HIVEP2: variants seen among roughly 807,000 people sequenced by gnomAD.
The protein encoded by HIVEP2 is HIVEP zinc finger 2.
In HIVEP2, 14 loss-of-function variants were observed where a neutral mutation model predicts 180.7. The observed-to-expected ratio is 0.08, with a 90% CI of 0.05 to 0.12. The LOEUF is 0.12. Among genes scored for constraint, HIVEP2 ranks in the 10% least tolerant of loss-of-function variants. HIVEP2 has a pLI of 1.00. For missense variants in HIVEP2, 2,579 were observed against 3,008.5 expected, an observed-to-expected ratio of 0.86 and a Z score of 3.34; for synonymous variants, 1,184 against 1,136.4, an observed-to-expected ratio of 1.04 and a Z score of -0.84.
At chr6:142,927,515 C>G (rs534563801) in intron 1 of HIVEP2, among the ~76,000 whole-genome samples, 136 of 152,224 alleles carry the variant, frequency 8.9e-4, no homozygotes, top group African/African-American at 3.2e-3. Context: ...AAGAAGGCCC[C>G]CTGAGACGTT....
At position 142,773,639 on chromosome 6, in the gene HIVEP2, T is replaced by C; in HGVS notation, c.1100A>G (p.Gln367Arg). Residue 367 changes from glutamine (Q) to arginine (R), a missense_variant, in exon 5 of 10, where the codon CAG becomes CGG. This residue lies in a region of HIVEP2 where 47 missense variants were observed against 92.5 expected (regional missense o/e 0.51). Transcript: ENST00000367603. ...TKADDSHTVK[Q>R]KLALRLSEKK... ...CTCTGACAGTCTTAGTGCAAGTTTC[T>C]GTTTGACTGTGTGCGAATCATCAGC... 2 of 1,614,204 alleles carry C rather than the reference T, an allele frequency of 1.2e-6. No homozygotes were observed. The highest frequency in any genetic ancestry group is 1.7e-6 in the Non-Finnish European group (2 of 1,180,032).
intron 7 of HIVEP2, among the ~76,000 whole-genome samples, 161 bp downstream of exon 7, chr6:142,764,638 T>A (rs1001478188): frequency 3.9e-5 from 6 of 152,212 alleles, no homozygotes; most frequent in Non-Finnish European, 8.8e-5. Flanking sequence ...CTCACATACA[T>A]CCTTTGATCA....
chr6:142,757,444 AG>A (rs1210338909), intron 9 of HIVEP2, among the ~76,000 whole-genome samples: 1 of 152,186 alleles, frequency 6.6e-6, no homozygotes, highest in Non-Finnish European at 1.5e-5. Flanking sequence ...GCGGATCATG[AG>A]GTCAAGAAAT....
chr6:142,775,064 G>A lies in HIVEP2; in HGVS notation c.-326C>T, dbSNP rs1775662695. 2 of 1,051,132 alleles carry A rather than the reference G, an allele frequency of 1.9e-6. No individual in the cohort carries two copies. The highest frequency in any genetic ancestry group is 2.3e-6 in the Non-Finnish European group (2 of 872,350). The allele number at this position is 1,051,132 out of a possible 1,614,324, so 65.1% of individuals were successfully genotyped here. A position where few individuals can be genotyped will look rare whatever the true frequency, so the allele number is the denominator to read the frequency against. ...GAAATTGGGATGATGAATAGTCTAGGAGAAATTTTGCCCATCAACTAGAGC... is the reference window on the plus strand; with the variant it reads ...GAAATTGGGATGATGAATAGTCTAGAAGAAATTTTGCCCATCAACTAGAGC... On this transcript the variant is annotated 5_prime_UTR_variant, in exon 5 of 10. Coordinates refer to ENST00000367603, the MANE Select transcript of HIVEP2 (RefSeq NM_006734.4).
At chr6:142,873,151 C>T (rs198676) in intron 1 of HIVEP2, among the ~76,000 whole-genome samples, 96,444 of 152,066 alleles carry the variant, frequency 0.63, 31,046 homozygotes, top group African/African-American at 0.68. Flanking sequence ...ATAGAACAGA[C>T]TCACCTGCCT....
intron 2 of HIVEP2, among the ~76,000 whole-genome samples, chr6:142,834,873 C>G (rs2114874155): frequency 6.6e-6 from 1 of 152,072 alleles, no homozygotes; most frequent in South Asian, 2.1e-4. Flanking sequence ...TGCACAGGGC[C>G]AGGTTCACTG....
At chr6:142,844,051 C>T (rs951194581) in intron 1 of HIVEP2, among the ~76,000 whole-genome samples, 1 of 152,144 alleles carries the variant, frequency 6.6e-6, no homozygotes, top group Non-Finnish European at 1.5e-5. Context: ...CCACACAACA[C>T]CCTCAACTCC....
chr6:142,829,335 T>A (rs918479157), intron 2 of HIVEP2, among the ~76,000 whole-genome samples: 15 of 152,068 alleles, frequency 9.9e-5, no homozygotes, highest in Non-Finnish European at 4.4e-5. Flanking sequence ...ACTTTATCCA[T>A]CCCAACACTT....
chr6:142,759,100 G>A (rs1469814209), intron 9 of HIVEP2, among the ~76,000 whole-genome samples: 2 of 151,926 alleles, frequency 1.3e-5, no homozygotes, highest in African/African-American at 2.4e-5. Context: ...TCAGGAGTTC[G>A]AGACCAGCCT....
chr6:142,819,852 C>G (rs895513170), intron 2 of HIVEP2, among the ~76,000 whole-genome samples: 1 of 152,186 alleles, frequency 6.6e-6, no homozygotes, highest in Non-Finnish European at 1.5e-5. Context: ...CACTTTCTGG[C>G]TCCCAAAGCT....
At chr6:142,889,115 G>A (rs2064057584) in intron 1 of HIVEP2, among the ~76,000 whole-genome samples, 1 of 152,200 alleles carries the variant, frequency 6.6e-6, no homozygotes, top group Non-Finnish European at 1.5e-5. Context: ...GCTCTCAGCA[G>A]AGTACCTGGC....
intron 1 of HIVEP2, among the ~76,000 whole-genome samples, chr6:142,911,511 T>C (rs2128429961): frequency 6.6e-6 from 1 of 152,338 alleles, no homozygotes; most frequent in South Asian, 2.1e-4. Flanking sequence ...ATATTATCTT[T>C]TGAGGCAGAC....
At chr6:142,784,994 T>A (rs568810504) in intron 2 of HIVEP2, among the ~76,000 whole-genome samples, 26 of 151,996 alleles carry the variant, frequency 1.7e-4, no homozygotes, top group African/African-American at 6.3e-4. Flanking sequence ...TTCACGCCAT[T>A]CTCCTGCCTC....
chr6:142,762,507 A>G (rs1775275255), intron 7 of HIVEP2, among the ~76,000 whole-genome samples: 1 of 150,944 alleles, frequency 6.6e-6, no homozygotes, highest in Non-Finnish European at 1.5e-5. Flanking sequence ...CATATAAATT[A>G]TATGCCATAT....
Position 142,771,202 on chromosome 6 carries a change from T to C in HIVEP2, c.3537A>G (p.Thr1179=), listed in dbSNP as rs1775531043. ...NPLIQPTSYM[T]SKHLPEQPHL... ...GTGGCTGTTCAGGTAAGTGCTTGCT[T>C]GTCATATAGGATGTTGGTTGGATCA... is the stretch of plus-strand genomic sequence containing the variant. The change falls in exon 5 of 10, where the codon ACA becomes ACG. Residue 1179 remains threonine, a synonymous_variant. Coordinates refer to ENST00000367603, the MANE Select transcript of HIVEP2 (RefSeq NM_006734.4). The surrounding 1 kb of genome is among the most constrained non-coding windows in gnomAD (Gnocchi z 5.4). 1.2e-6 allele frequency: 2 copies of C among 1,614,220 alleles called. No individual in the cohort carries two copies. The highest frequency in any genetic ancestry group is 4.5e-5 in the East Asian group (2 of 44,884).
At chr6:142,924,089 G>T (rs1189306453) in intron 1 of HIVEP2, among the ~76,000 whole-genome samples, 1 of 152,220 alleles carries the variant, frequency 6.6e-6, no homozygotes, top group Non-Finnish European at 1.5e-5. Context: ...GAGGACTGCA[G>T]ATGATTAGAA....
intron 3 of HIVEP2, among the ~76,000 whole-genome samples, chr6:142,779,385 G>T (rs1468349442): frequency 6.6e-6 from 1 of 152,110 alleles, no homozygotes; most frequent in South Asian, 2.1e-4. Context: ...TTTGAGAGGT[G>T]GAGGCAGGTG....
chr6:142,773,031 T>C lies in HIVEP2; in HGVS notation c.1708A>G (p.Met570Val), dbSNP rs746286511. 2 of 1,614,192 alleles carry C rather than the reference T, an allele frequency of 1.2e-6. No homozygotes were observed. The highest frequency in any genetic ancestry group is 1.7e-6 in the Non-Finnish European group (2 of 1,180,020). ...LRGSHSFDER[M>V]TGSDDVFYPG... ...TAGAATACATCGTCGGAACCAGTCATCCTTTCATCAAATGAGTGACTTCCT... is the reference window on the plus strand; with the variant it reads ...TAGAATACATCGTCGGAACCAGTCACCCTTTCATCAAATGAGTGACTTCCT... The change falls in exon 5 of 10, where the codon ATG (methionine) becomes GTG (valine). Residue 570 changes from methionine to valine, a missense_variant. Physicochemically the swap from Met to Val is conservative, Grantham distance 21. Transcript: ENST00000367603.
At chr6:142,849,403 T>C (rs1168176225) in intron 1 of HIVEP2, among the ~76,000 whole-genome samples, 1 of 152,178 alleles carries the variant, frequency 6.6e-6, no homozygotes, top group African/African-American at 2.4e-5. Context: ...GGTAGAAATG[T>C]CCAAGTAGAC....
Sources: gnomAD v4.1 joint callset for allele counts (sites outside exome capture counted in the v4.1 genomes callset) on GRCh38, gnomAD v4.1.1 for gene constraint, gnomAD v4.1.1 regional missense constraint, Gnocchi (gnomAD v3.1) non-coding constraint, MANE v1.5 for transcripts, NCBI Gene and HGNC (gene_info 2026-07-23, HGNC 2026-07-21) for gene names.